The following ADGRV1 variants were observed in gnomAD, a reference collection of about 807,000 sequenced individuals.
ADGRV1 encodes the protein G-protein coupled receptor 98.
ADGRV1 carries 359 observed loss-of-function variants against 596.2 expected under a neutral mutation model. The observed-to-expected ratio is 0.60, with a 90% CI of 0.55 to 0.66. ADGRV1 has a LOEUF of 0.66. Among genes scored for constraint, ADGRV1 ranks in the 30% least tolerant of loss-of-function variants. The probability of loss-of-function intolerance (pLI) is 0.00; values close to 1 mark genes in which losing one functional copy is unlikely to be tolerated. For missense variants in ADGRV1, 7,274 were observed against 7,575.6 expected (o/e 0.96, Z 1.48); for synonymous variants, 2,681 against 2,679.2 (o/e 1.00, Z -0.02).
At chr5:90,664,231 C>T (rs2149501087) in intron 21 of ADGRV1, among the ~76,000 whole-genome samples, 1 of 144,110 alleles carries the variant, frequency 6.9e-6, no homozygotes, top group African/African-American at 2.6e-5. Context: ...GATATTGATT[C>T]TTCCTACCCA....
At chr5:90,968,096 G>A (rs1778638348) in intron 84 of ADGRV1, among the ~76,000 whole-genome samples, 1 of 152,166 alleles carries the variant, frequency 6.6e-6, no homozygotes, top group Non-Finnish European at 1.5e-5. Context: ...AAGAATTTAG[G>A]TAAATGTGAT....
chr5:90,943,281 G>A (rs1776310935), intron 83 of ADGRV1, among the ~76,000 whole-genome samples: 1 of 152,060 alleles, frequency 6.6e-6, no homozygotes, highest in Admixed American at 6.6e-5. Context: ...CTGAGATATG[G>A]GATGTAGTGA....
At chr5:90,633,051 T>G (rs964866223) in intron 9 of ADGRV1, among the ~76,000 whole-genome samples, 17 of 152,310 alleles carry the variant, frequency 1.1e-4, no homozygotes, top group South Asian at 1.0e-3. Flanking sequence ...TTAGTAACCC[T>G]CTCAGCTAAA....
chr5:90,673,291 C>T (rs1403121001), intron 22 of ADGRV1, among the ~76,000 whole-genome samples: 1 of 152,138 alleles, frequency 6.6e-6, no homozygotes. Flanking sequence ...TATCCTATCA[C>T]ATCTCATCAT....
At chr5:91,088,738 C>T (rs1245466260) in intron 86 of ADGRV1, among the ~76,000 whole-genome samples, 1 of 151,898 alleles carries the variant, frequency 6.6e-6, no homozygotes, top group Non-Finnish European at 1.5e-5. Flanking sequence ...ACCTGTGAAC[C>T]AGTTTAACCA....
chr5:90,651,866 G>C (rs1768673295), intron 18 of ADGRV1, 136 bp downstream of exon 18: 1 of 552,582 alleles, frequency 1.8e-6, no homozygotes, highest in Admixed American at 3.4e-5. Context: ...GTCTGAATGA[G>C]TGGTAAACTT....
At chr5:90,604,319 G>A (rs1341412118) in intron 1 of ADGRV1, among the ~76,000 whole-genome samples, 1 of 152,082 alleles carries the variant, frequency 6.6e-6, no homozygotes, top group Admixed American at 6.6e-5. Context: ...GGCAGTGAGT[G>A]CAAATAATTC....
intron 50 of ADGRV1, among the ~76,000 whole-genome samples, chr5:90,742,629 G>A (rs570135145): frequency 2.2e-4 from 34 of 152,246 alleles, no homozygotes; most frequent in Admixed American, 1.6e-3. Flanking sequence ...GTGTGTGTGC[G>A]CACGGGTGTG....
In ADGRV1 at chr5:90,728,650, A is replaced by T. The variant is rs201379473; in HGVS notation, c.10162-19A>T. 1.5e-4 allele frequency: 244 copies of T among 1,594,022 alleles called. 1 individual carries two copies. The East Asian group carries it at 5.4e-3, about 35-fold the overall frequency. ...AATTCCTAGTCATAAAGGGTTTTGTATTTCAACATTTCCTTCAGGTCTTCA... is the reference window on the plus strand; with the variant it reads ...AATTCCTAGTCATAAAGGGTTTTGTTTTTCAACATTTCCTTCAGGTCTTCA... On this transcript the variant is annotated intron_variant, in intron 48 of 89. Coordinates refer to ENST00000405460, the MANE Select transcript of ADGRV1 (RefSeq NM_032119.4).
chr5:90,778,825 T>C (rs1245741216), intron 63 of ADGRV1, 40 bp from the exon 64 acceptor site: 10 of 1,512,536 alleles, frequency 6.6e-6, no homozygotes, highest in African/African-American at 1.4e-5. Flanking sequence ...GTCTGGTAGA[T>C]TAAACATCCA....
intron 83 of ADGRV1, among the ~76,000 whole-genome samples, chr5:90,899,587 C>G (rs1408498928): frequency 6.6e-6 from 1 of 152,176 alleles, no homozygotes; most frequent in Admixed American, 6.6e-5. Flanking sequence ...CTGGCCTTGA[C>G]CTCAGTACTT....
chr5:90,578,385 G>A (rs911304380), intron 1 of ADGRV1, among the ~76,000 whole-genome samples: 12 of 151,574 alleles, frequency 7.9e-5, no homozygotes, highest in Middle Eastern at 3.2e-3. Flanking sequence ...GGTTTTTGTC[G>A]TTGGTTCTGT....
chr5:91,014,456 G>C (rs1219203671), intron 85 of ADGRV1, among the ~76,000 whole-genome samples: 3 of 151,930 alleles, frequency 2.0e-5, no homozygotes, highest in African/African-American at 7.2e-5. Flanking sequence ...AATAGTACCA[G>C]CTCTTCTTTG....
chr5:90,691,719 C>G (rs1368597237), intron 31 of ADGRV1, among the ~76,000 whole-genome samples: 5 of 152,074 alleles, frequency 3.3e-5, no homozygotes, highest in Admixed American at 2.6e-4. Flanking sequence ...TATTTATACT[C>G]CCTTTTGGCT....
intron 75 of ADGRV1, among the ~76,000 whole-genome samples, chr5:90,821,705 G>T (rs1365786355): frequency 2.0e-5 from 3 of 151,726 alleles, no homozygotes; most frequent in African/African-American, 7.3e-5. Flanking sequence ...CCTGCTGGGG[G>T]GTGCCTCCCA....
chr5:91,133,589 A>T (rs1794389939), intron 87 of ADGRV1, among the ~76,000 whole-genome samples: 4 of 152,240 alleles, frequency 2.6e-5, no homozygotes, highest in Admixed American at 6.5e-5. Flanking sequence ...CCTAGGATGA[A>T]GGATGGTAAT....
chr5:90,662,383 C>T (rs572563750), intron 21 of ADGRV1, among the ~76,000 whole-genome samples: 221 of 151,672 alleles, frequency 1.5e-3, no homozygotes, highest in Non-Finnish European at 2.4e-3. Flanking sequence ...TTAGCAGAGA[C>T]GGGGTTTCAC....
At chr5:91,088,424 C>T (rs779304989) in intron 86 of ADGRV1, among the ~76,000 whole-genome samples, 11 of 151,900 alleles carry the variant, frequency 7.2e-5, no homozygotes, top group Admixed American at 1.3e-4. Context: ...AAACTCCACC[C>T]GGTAAAAAAA....
chr5:90,760,237 C>T (rs1195626701), intron 58 of ADGRV1, among the ~76,000 whole-genome samples: 4 of 146,416 alleles, frequency 2.7e-5, no homozygotes, highest in African/African-American at 1.0e-4. Flanking sequence ...GATCACGCCA[C>T]TGCGCTCCAG....
Sources: allele counts gnomAD v4.1 joint callset (sites outside exome capture counted in the v4.1 genomes callset), GRCh38; gene constraint gnomAD v4.1.1; transcripts MANE v1.5; gene names NCBI Gene and HGNC (gene_info 2026-07-23, HGNC 2026-07-21).